The following TUBGCP5 variants were observed in gnomAD, a reference collection of about 807,000 sequenced individuals.
TUBGCP5 encodes gamma-tubulin complex component 5.
In TUBGCP5, 98 loss-of-function variants were observed where a neutral mutation model predicts 134.7. That is an observed-to-expected ratio of 0.73 (90% confidence interval 0.62 to 0.86). The LOEUF (loss-of-function observed/expected upper bound fraction) is 0.86, where lower values mean the gene tolerates loss of function less well. TUBGCP5 is among the 40% of genes least tolerant of loss of function. The pLI, the probability that TUBGCP5 is intolerant of heterozygous loss-of-function variation, is 0.00. For synonymous variants in TUBGCP5, 456 were observed against 431.4 expected (o/e 1.06, Z -0.71); for missense variants, 1,150 against 1,244.8 (o/e 0.92, Z 1.15).
chr15:23,027,116 T>C, intron 7 of TUBGCP5, 76 bp downstream of exon 7: 2 of 1,117,746 alleles, frequency 1.8e-6, no homozygotes, highest in Non-Finnish European at 2.6e-6. Context: ...AGAACTTAAG[T>C]CACAAATCAA....
chr15:23,032,862 G>A, intron 3 of TUBGCP5, 38 bp from the exon 4 acceptor site: 1 of 1,443,290 alleles, frequency 6.9e-7, no homozygotes, highest in Non-Finnish European at 9.3e-7. Context: ...CTCTGAGGTT[G>A]GGAAATGCTT....
chr15:23,022,010 C>T lies in TUBGCP5; in HGVS notation c.1320G>A (p.Leu440=). The T allele has an allele frequency of 6.2e-7, 1 of 1,614,114 alleles. No homozygotes were observed. ...TGTCATATTCAAGAATGGCCTTGTA[C>T]AGGGTGTTAAGCAGGTGAGAGGCCC... The part of the protein sequence containing the change: ...VVRASHLLNT[L]YKAILEYDNV... The change falls in exon 11 of 23, where the codon CTG becomes CTA. Residue 440 remains leucine (L), a synonymous_variant. Transcript: ENST00000615383.
rs957945379 is a variant in TUBGCP5 at position 23,013,500 on chromosome 15, A to G, written c.1757-2169T>C. ...GGCGAGTGCTGGAGTGCAGAGGGGGAATGTGACACAGTGTTGGTGACTGGA... is the reference window on the plus strand; with the variant it reads ...GGCGAGTGCTGGAGTGCAGAGGGGGGATGTGACACAGTGTTGGTGACTGGA... On this transcript the variant is annotated intron_variant, in intron 13 of 22. Transcript: ENST00000615383. The surrounding 1 kb of genome is among the most constrained non-coding windows in gnomAD (Gnocchi z 4.5). 1.3e-5 allele frequency among the ~76,000 whole-genome samples: 2 copies of G among 151,072 alleles called. No homozygotes were observed. The highest frequency in any genetic ancestry group is 2.9e-5 in the Non-Finnish European group (2 of 67,840).
chr15:23,018,494 C>A (rs1240449583), intron 12 of TUBGCP5, among the ~76,000 whole-genome samples: 1 of 152,086 alleles, frequency 6.6e-6, no homozygotes, highest in Non-Finnish European at 1.5e-5. Context: ...ATTGATGAAT[C>A]AGAACACAGT....
intron 13 of TUBGCP5, 119 bp from the exon 14 acceptor site, chr15:23,011,450 TATAA>T: frequency 3.4e-6 from 1 of 295,536 alleles, no homozygotes; most frequent in Non-Finnish European, 6.1e-6. Context: ...TATATTTATA[TATAA>T]ATATTAAATA....
chr15:23,036,395 C>A (rs2066592603), intron 3 of TUBGCP5, among the ~76,000 whole-genome samples: 1 of 152,182 alleles, frequency 6.6e-6, no homozygotes, highest in Non-Finnish European at 1.5e-5. Flanking sequence ...TTGCTCTAAG[C>A]ACCTTTTCCC....
intron 19 of TUBGCP5, 84 bp downstream of exon 19, chr15:23,005,348 C>T (rs1333989557): frequency 6.8e-7 from 1 of 1,470,358 alleles, no homozygotes; most frequent in East Asian, 2.3e-5. Context: ...GTATTTTTTA[C>T]TTATAAACAT....
chr15:23,032,703 T>G (rs760169442), intron 4 of TUBGCP5, 25 bp downstream of exon 4: 1 of 1,455,820 alleles, frequency 6.9e-7, no homozygotes, highest in South Asian at 1.3e-5. Context: ...TTACTTCTCA[T>G]ATGTTAAGGA....
chr15:22,989,611 C>A (rs1204909208), intron 23 of TUBGCP5, among the ~76,000 whole-genome samples: 6 of 152,172 alleles, frequency 3.9e-5, no homozygotes, highest in African/African-American at 1.4e-4. Flanking sequence ...CTCCTGGCCT[C>A]CAGGGATCCT....
intron 1 of TUBGCP5, among the ~76,000 whole-genome samples, chr15:23,038,481 A>C (rs113000550): frequency 0.045 from 6,839 of 152,262 alleles, 397 homozygotes; most frequent in African/African-American, 0.14. Flanking sequence ...TTTATAAGTT[A>C]CACTTAAGAA....
Position 23,008,765 on chromosome 15 carries a change from T to A in TUBGCP5, c.2261A>T (p.Asn754Ile), listed in dbSNP as rs762134195. ...GAGTTGGACATTAAGAAAAGACACA[T>A]TCTGCCATGTTTCCTTTTCTCTTAT... ...DKIREKETWQ[N>I]VSFLNVQLQE... Residue 754 changes from asparagine to isoleucine, a missense_variant, in exon 16 of 23, where the codon AAT (asparagine) becomes ATT (isoleucine). Transcript: ENST00000615383. 6.2e-7 allele frequency: 1 copy of A among 1,609,228 alleles called. No individual in the cohort carries two copies. Among genetic ancestry groups the A allele is most frequent in the South Asian group, 1.1e-5 (1 of 89,580 alleles).
intron 3 of TUBGCP5, 104 bp downstream of exon 3, chr15:23,036,793 A>G (rs2066614144): frequency 1.2e-6 from 1 of 819,054 alleles, no homozygotes; most frequent in Non-Finnish European, 2.0e-6. Context: ...TAGCCAGTAG[A>G]TAATACTAAA....
chr15:23,008,233 T>TTAGCAGGAGAGTCACA (rs2064835962), intron 16 of TUBGCP5, among the ~76,000 whole-genome samples: 1 of 152,106 alleles, frequency 6.6e-6, no homozygotes, highest in Non-Finnish European at 1.5e-5. Flanking sequence ...CTTTTGTTGT[T>TTAGCAGGAGAGTCACA]TAGCAGGAGA....
intron 6 of TUBGCP5, among the ~76,000 whole-genome samples, chr15:23,029,876 G>A (rs920408952): frequency 2.0e-5 from 3 of 150,140 alleles, no homozygotes; most frequent in Non-Finnish European, 4.4e-5. Context: ...GTGAGACTCC[G>A]TCTCAAAAAA....
At chr15:22,987,818 C>A (rs1200950404) in intron 23 of TUBGCP5, among the ~76,000 whole-genome samples, 1 of 148,684 alleles carries the variant, frequency 6.7e-6, no homozygotes, top group African/African-American at 2.5e-5. Context: ...ATGGCATGAA[C>A]CCGGGAGGCA....
At chr15:23,026,547 TAAC>T (rs1232374479) in intron 7 of TUBGCP5, among the ~76,000 whole-genome samples, 2 of 152,050 alleles carry the variant, frequency 1.3e-5, no homozygotes, top group Admixed American at 6.6e-5. Flanking sequence ...ACACTGAAAT[TAAC>T]AACAAAAAAT....
At chr15:23,037,463 C>T (rs2066659529) in intron 1 of TUBGCP5, among the ~76,000 whole-genome samples, 1 of 152,158 alleles carries the variant, frequency 6.6e-6, no homozygotes, top group Non-Finnish European at 1.5e-5. Context: ...GTGGTCCCAA[C>T]CTTTTTATGC....
chr15:23,008,587 G>A, intron 16 of TUBGCP5, 112 bp downstream of exon 16: 3 of 1,317,274 alleles, frequency 2.3e-6, no homozygotes, highest in Non-Finnish European at 3.2e-6. Context: ...AATAATATTA[G>A]TAAAACTCAT....
downstream of TUBGCP5, among the ~76,000 whole-genome samples, chr15:22,998,646 G>C (rs2064205148): frequency 1.3e-5 from 2 of 150,494 alleles, no homozygotes; most frequent in Non-Finnish European, 1.5e-5. Flanking sequence ...TCGGAGTCTT[G>C]CTCTGTCACC....
Sources: allele counts gnomAD v4.1 joint callset (sites outside exome capture counted in the v4.1 genomes callset), GRCh38; gene constraint gnomAD v4.1.1; non-coding constraint Gnocchi (gnomAD v3.1); transcripts MANE v1.5; gene names NCBI Gene and HGNC (gene_info 2026-07-23, HGNC 2026-07-21).